Variants in SFXN5 observed in about 807,000 individuals in gnomAD.
SFXN5 encodes the protein sideroflexin 5, also known as sideroflexin-5.
In SFXN5, 43 loss-of-function variants were observed where a neutral mutation model predicts 50.2. The ratio of observed to expected loss-of-function variants is 0.86; its 90% CI spans 0.67 to 1.11. The LOEUF is 1.11. Ranked by LOEUF, SFXN5 falls within the 50% of genes least tolerant of loss-of-function variation. The pLI, the probability that SFXN5 is intolerant of heterozygous loss-of-function variation, is 0.00. For missense variants in SFXN5, 463 were observed against 454.1 expected (o/e 1.02, Z -0.18); for synonymous variants, 203 against 185.8 (o/e 1.09, Z -0.75).
At chr2:72,957,539 CT>C (rs539746864) in intron 13 of SFXN5, among the ~76,000 whole-genome samples, 2 of 152,354 alleles carry the variant, frequency 1.3e-5, no homozygotes, top group African/African-American at 4.8e-5. Flanking sequence ...TCCGAGTCCC[CT>C]GATTAGTTAA....
At chr2:73,037,198 T>C (rs557884562) in intron 3 of SFXN5, among the ~76,000 whole-genome samples, 161 of 152,310 alleles carry the variant, frequency 1.1e-3, no homozygotes, top group African/African-American at 3.5e-3. Context: ...CTGTCAGCCC[T>C]CATATCTCAG....
chr2:73,006,820 C>T (rs1197584809), intron 6 of SFXN5, among the ~76,000 whole-genome samples: 1 of 152,198 alleles, frequency 6.6e-6, no homozygotes, highest in African/African-American at 2.4e-5. Context: ...ATGCTGGCTC[C>T]TAAGCAGCCC....
chr2:73,020,833 C>G (rs932480200), intron 5 of SFXN5: 2 of 152,450 alleles, frequency 1.3e-5, no homozygotes, highest in Non-Finnish European at 2.9e-5. Context: ...TGAAGCGCAG[C>G]CAGGCTGTGA....
At chr2:73,069,811 A>G (rs1430925207) in intron 1 of SFXN5, among the ~76,000 whole-genome samples, 1 of 151,888 alleles carries the variant, frequency 6.6e-6, no homozygotes, top group African/African-American at 2.4e-5. Context: ...AGACACCAGG[A>G]CAAAAAGAAA....
intron 10 of SFXN5, among the ~76,000 whole-genome samples, chr2:72,983,630 C>A (rs111875180): frequency 6.6e-5 from 10 of 152,304 alleles, no homozygotes; most frequent in African/African-American, 2.4e-4. Context: ...CCTCCCCATG[C>A]ACACACCTAC....
rs1673922377 is a variant in SFXN5 at position 73,001,591 on chromosome 2, G to A, written c.358-13C>T. On this transcript the variant is annotated splice_polypyrimidine_tract_variant and intron_variant, in intron 6 of 13. Transcript: ENST00000272433. ...GAAGACCGACTACCTATGAGCAAGA[G>A]AGAAGAAATGCTGAAAAAGGCAGAA... is the stretch of plus-strand genomic sequence containing the variant. The A allele has an allele frequency of 6.2e-7, 1 of 1,613,998 alleles. No individual in the cohort carries two copies. Among genetic ancestry groups the A allele is most frequent in the Non-Finnish European group, 8.5e-7 (1 of 1,179,870 alleles).
chr2:73,015,306 G>A (rs1012328696), intron 6 of SFXN5, among the ~76,000 whole-genome samples: 3 of 152,004 alleles, frequency 2.0e-5, no homozygotes, highest in Admixed American at 6.6e-5. Flanking sequence ...AAAGCATTTC[G>A]TTATGATGTA....
intron 9 of SFXN5, among the ~76,000 whole-genome samples, chr2:72,989,104 C>G (rs984714957): frequency 4.6e-5 from 7 of 152,200 alleles, no homozygotes; most frequent in African/African-American, 1.7e-4. Flanking sequence ...TCATCTCCTT[C>G]CCACAGCAGC....
intron 3 of SFXN5, among the ~76,000 whole-genome samples, chr2:73,032,581 C>T (rs141073569): frequency 1.3e-5 from 2 of 152,138 alleles, no homozygotes; most frequent in African/African-American, 2.4e-5. Context: ...GCAGAGGACA[C>T]TCACCAACTG....
intron 2 of SFXN5, among the ~76,000 whole-genome samples, chr2:73,050,271 G>C (rs1208573664): frequency 6.6e-6 from 1 of 152,162 alleles, no homozygotes; most frequent in Non-Finnish European, 1.5e-5. Flanking sequence ...ATGCCACTAA[G>C]CATTCCCCTG....
chr2:72,995,182 C>G (rs1673069312), intron 9 of SFXN5, among the ~76,000 whole-genome samples: 1 of 152,242 alleles, frequency 6.6e-6, no homozygotes, highest in African/African-American at 2.4e-5. Context: ...TTCCTCTCAC[C>G]CTCGTGTAGC....
chr2:72,954,547 G>A (rs1324064363), intron 13 of SFXN5, among the ~76,000 whole-genome samples: 2 of 152,134 alleles, frequency 1.3e-5, no homozygotes, highest in African/African-American at 2.4e-5. Context: ...AGAGACACAC[G>A]CTCATAGCCG....
intron 1 of SFXN5, among the ~76,000 whole-genome samples, chr2:73,069,017 A>G (rs1287568839): frequency 7.5e-6 from 1 of 133,814 alleles, no homozygotes; most frequent in Non-Finnish European, 1.6e-5. Flanking sequence ...GATGTGAAGG[A>G]GGGTGCGAAG....
chr2:73,070,134 A>T (rs1683467437), intron 1 of SFXN5, among the ~76,000 whole-genome samples: 1 of 152,206 alleles, frequency 6.6e-6, no homozygotes, highest in Non-Finnish European at 1.5e-5. Context: ...CTGAGCCTTT[A>T]AGAACGAGCA....
At chr2:73,033,021 C>T (rs1200310214) in intron 3 of SFXN5, among the ~76,000 whole-genome samples, 2 of 152,172 alleles carry the variant, frequency 1.3e-5, no homozygotes. Flanking sequence ...GCAGTTGCAA[C>T]TTCCCTATAC....
intron 10 of SFXN5, among the ~76,000 whole-genome samples, chr2:72,986,861 C>T (rs539534695): frequency 5.3e-5 from 8 of 152,136 alleles, no homozygotes; most frequent in Non-Finnish European, 8.8e-5. Flanking sequence ...TATACCTGTG[C>T]GCCCACAATC....
intron 6 of SFXN5, among the ~76,000 whole-genome samples, chr2:73,017,730 T>C (rs1166713363): frequency 6.6e-6 from 1 of 152,174 alleles, no homozygotes; most frequent in Non-Finnish European, 1.5e-5. Flanking sequence ...GAATTACAGG[T>C]ATCAGTATAA....
chr2:73,040,467 C>G (rs1679476862), intron 3 of SFXN5, among the ~76,000 whole-genome samples: 1 of 152,214 alleles, frequency 6.6e-6, no homozygotes, highest in South Asian at 2.1e-4. Flanking sequence ...ATAACCTGTT[C>G]TCTGGAGAAA....
intron 13 of SFXN5, chr2:72,956,981 C>T (rs947887175): frequency 2.2e-6 from 1 of 456,548 alleles, no homozygotes; most frequent in Non-Finnish European, 4.4e-6. Context: ...TGCACTCACC[C>T]ACTCTGGAGA....
Sources: gnomAD v4.1 joint callset for allele counts (sites outside exome capture counted in the v4.1 genomes callset) on GRCh38, gnomAD v4.1.1 for gene constraint, MANE v1.5 for transcripts, NCBI Gene and HGNC (gene_info 2026-07-23, HGNC 2026-07-21) for gene names.